The following MBTD1 variants were observed in gnomAD, a reference collection of about 807,000 sequenced individuals.
MBTD1 encodes the protein mbt domain containing 1.
MBTD1 carries 24 observed loss-of-function variants against 87.8 expected under a neutral mutation model. That is an observed-to-expected ratio of 0.27 (90% CI 0.20 to 0.38). The LOEUF (loss-of-function observed/expected upper bound fraction) is 0.38. MBTD1 is among the 10% of genes least tolerant of loss of function. MBTD1 has a pLI of 1.00. For synonymous variants in MBTD1, 237 were observed against 248.6 expected, an observed-to-expected ratio of 0.95 and a Z score of 0.44; for missense variants, 436 against 760.2, an observed-to-expected ratio of 0.57 and a Z score of 5.02.
At chr17:51,188,657 G>GA (rs762461144) in intron 16 of MBTD1, among the ~76,000 whole-genome samples, 6 of 149,498 alleles carry the variant, frequency 4.0e-5, no homozygotes, top group Non-Finnish European at 5.9e-5. Flanking sequence ...CTGAGTAATA[G>GA]AAAAAAATAA....
At chr17:51,202,600 A>G in intron 10 of MBTD1, 101 bp downstream of exon 10, 1 of 867,628 alleles carries the variant, frequency 1.2e-6, no homozygotes, top group Non-Finnish European at 1.9e-6. Flanking sequence ...AACAACTAGA[A>G]TGCTATTTTT....
chr17:51,245,736 T>C (rs879540259), intron 2 of MBTD1, among the ~76,000 whole-genome samples: 28 of 152,170 alleles, frequency 1.8e-4, no homozygotes, highest in Non-Finnish European at 3.4e-4. Flanking sequence ...GCCAATGTCT[T>C]GCTTTCTGAA....
In MBTD1 at chr17:51,202,703, G is replaced by A. The variant is rs2051562111; in HGVS notation, c.1061C>T (p.Ser354Phe). The A allele has an allele frequency of 1.2e-6, 2 of 1,611,574 alleles. No individual in the cohort carries two copies. The highest frequency in any genetic ancestry group is 1.7e-6 in the Non-Finnish European group (2 of 1,177,660). The part of the protein sequence containing the change: ...SRSIGHRFKR[S>F]DITKKQDGHF... ...GAGTTCTTGTGATAGGTGCTTACCAGATCTTTTGAATCGATGACCTATGCT... is the reference window on the plus strand; with the variant it reads ...GAGTTCTTGTGATAGGTGCTTACCAAATCTTTTGAATCGATGACCTATGCT... Residue 354 changes from serine to phenylalanine, a missense_variant and splice_region_variant, in exon 10 of 17, where the codon TCT becomes TTT. This residue lies in a region of MBTD1 where 268 missense variants were observed against 401.8 expected (regional missense o/e 0.67). Transcript: ENST00000586178.
intron 6 of MBTD1, among the ~76,000 whole-genome samples, chr17:51,215,771 A>G (rs945930400): frequency 6.6e-6 from 1 of 152,150 alleles, no homozygotes; most frequent in African/African-American, 2.4e-5. Flanking sequence ...AGGGCTTCAT[A>G]TTGTATTTTC....
At chr17:51,193,157 AT>A (rs1263927465) in intron 14 of MBTD1, 141 bp from the exon 15 acceptor site, 1 of 661,482 alleles carries the variant, frequency 1.5e-6, no homozygotes, top group East Asian at 2.7e-5. Flanking sequence ...TTCTTTAACT[AT>A]TTAAACATAG....
rs189187843 is a variant in MBTD1 at position 51,254,715 on chromosome 17, C to A, written c.-49+4428G>T. Among the ~76,000 whole-genome samples the A allele has an allele frequency of 7.9e-5, 12 of 152,290 alleles. No individual in the cohort carries two copies. The East Asian group carries it at 1.9e-3, about 24-fold the overall frequency. On this transcript the variant is annotated intron_variant, in intron 2 of 16. Coordinates refer to ENST00000586178, the MANE Select transcript of MBTD1 (RefSeq NM_017643.3). ...TAAATAAGAAAAACATCACTTACCACACAGGAAGGATGTATGATAAAATAA... is the reference window on the plus strand; with the variant it reads ...TAAATAAGAAAAACATCACTTACCAAACAGGAAGGATGTATGATAAAATAA...
At chr17:51,252,958 T>C (rs965975745) in intron 2 of MBTD1, among the ~76,000 whole-genome samples, 2 of 151,780 alleles carry the variant, frequency 1.3e-5, no homozygotes, top group African/African-American at 4.8e-5. Context: ...AGATAGATAC[T>C]AGATGAGAAA....
chr17:51,260,523 G>T, upstream of MBTD1: 1 of 1,530,470 alleles, frequency 6.5e-7, no homozygotes, highest in Non-Finnish European at 8.8e-7. Context: ...GCCCGCGAGG[G>T]GCCTGGGCGC....
At chr17:51,192,703 T>A (rs769878530) in intron 15 of MBTD1, 79 bp downstream of exon 15, 2 of 1,577,910 alleles carry the variant, frequency 1.3e-6, no homozygotes, top group South Asian at 1.2e-5. Flanking sequence ...TGTGAGCTCA[T>A]AAGATGACTT....
intron 2 of MBTD1, among the ~76,000 whole-genome samples, chr17:51,230,597 A>C (rs1447023352): frequency 6.6e-6 from 1 of 152,168 alleles, no homozygotes; most frequent in Non-Finnish European, 1.5e-5. Flanking sequence ...GACCATGAGG[A>C]CAAAAAGGCA....
chr17:51,191,996 T>G (rs543318610), intron 16 of MBTD1: 36 of 571,674 alleles, frequency 6.3e-5, no homozygotes, highest in African/African-American at 5.7e-4. Context: ...CTTTAAATAC[T>G]GTGGTAATAA....
rs2144910197 is a variant in MBTD1 at position 51,177,549 on chromosome 17, TGAAAG to T, written c.*3022_*3026del. On this transcript the variant is annotated 3_prime_UTR_variant, in exon 17 of 17. Coordinates refer to ENST00000586178, the MANE Select transcript of MBTD1 (RefSeq NM_017643.3). ...CTGAAAATTTGCAATTTGGTAAAAATGAAAGGAACATAAATTTTTCCAAAGGAATT... is the reference window on the plus strand; with the variant it reads ...CTGAAAATTTGCAATTTGGTAAAAATGAACATAAATTTTTCCAAAGGAATT... 6.6e-6 allele frequency: 1 copy of T among 152,256 alleles called. No individual in the cohort carries two copies. Among genetic ancestry groups the T allele is most frequent in the East Asian group, 1.9e-4 (1 of 5,184 alleles). 9.4% of individuals were successfully genotyped at this position (152,256 alleles called of 1,614,324 possible).
chr17:51,256,138 T>C (rs1318295052), intron 2 of MBTD1, among the ~76,000 whole-genome samples: 4 of 152,222 alleles, frequency 2.6e-5, no homozygotes, highest in African/African-American at 9.6e-5. Context: ...GAACACATCT[T>C]AACATTTTAT....
chr17:51,181,577 A>T (rs1163869820), intron 16 of MBTD1, among the ~76,000 whole-genome samples: 2 of 152,256 alleles, frequency 1.3e-5, no homozygotes, highest in Non-Finnish European at 2.9e-5. Context: ...GGATTGCTGG[A>T]GCCCAGGAGT....
Position 51,179,574 on chromosome 17 carries a change from T to C in MBTD1, c.*1002A>G, listed in dbSNP as rs1356836149. 1 of 134,946 alleles carries C rather than the reference T, an allele frequency of 7.4e-6. No individual in the cohort carries two copies. The highest frequency in any genetic ancestry group is 1.6e-5 in the Non-Finnish European group (1 of 62,754). 8.4% of individuals were successfully genotyped at this position (134,946 alleles called of 1,614,324 possible). On this transcript the variant is annotated 3_prime_UTR_variant, in exon 17 of 17. Coordinates refer to ENST00000586178, the MANE Select transcript of MBTD1 (RefSeq NM_017643.3). ...AAAATTAAATTCTCTTTCAAATTAG[T>C]TTTCTACCAAATCCAGGATAGATAA... is the stretch of plus-strand genomic sequence containing the variant.
intron 5 of MBTD1, among the ~76,000 whole-genome samples, chr17:51,217,900 A>T (rs1217714140): frequency 6.6e-6 from 1 of 152,056 alleles, no homozygotes; most frequent in Non-Finnish European, 1.5e-5. Flanking sequence ...CCTGGCCAGG[A>T]GTTTCTTAAC....
chr17:51,260,535 T>G (rs751389351), upstream of MBTD1: 24 of 1,557,866 alleles, frequency 1.5e-5, 1 homozygote, highest in South Asian at 2.5e-4. Context: ...CCTGGGCGCA[T>G]GCGCAGCGAG....
intron 15 of MBTD1, 129 bp downstream of exon 15, chr17:51,192,653 C>G: frequency 6.6e-7 from 1 of 1,509,230 alleles, no homozygotes; most frequent in South Asian, 1.3e-5. Flanking sequence ...GTCTTAATGT[C>G]TTACCTGGCA....
At chr17:51,215,738 T>A (rs1285972925) in intron 6 of MBTD1, among the ~76,000 whole-genome samples, 1 of 152,112 alleles carries the variant, frequency 6.6e-6, no homozygotes, top group Non-Finnish European at 1.5e-5. Flanking sequence ...AAGATTCCAT[T>A]TAAGGCAAGA....
Sources: allele counts gnomAD v4.1 joint callset (sites outside exome capture counted in the v4.1 genomes callset), GRCh38; gene constraint gnomAD v4.1.1; regional missense constraint gnomAD v4.1.1; transcripts MANE v1.5; gene names NCBI Gene and HGNC (gene_info 2026-07-23, HGNC 2026-07-21).